AGBL1: variants seen among roughly 807,000 people sequenced by gnomAD.
AGBL1 encodes the protein cytosolic carboxypeptidase 4.
In AGBL1, 130 loss-of-function variants were observed where a neutral mutation model predicts 118.9. That is an observed-to-expected ratio of 1.09 (90% CI 0.95 to 1.26). AGBL1 has a LOEUF of 1.26. Ranked by LOEUF, AGBL1 falls within the 50% of genes most tolerant of loss-of-function variation. The pLI, the probability that AGBL1 is intolerant of heterozygous loss-of-function variation, is 0.00. For synonymous variants in AGBL1, 555 were observed against 478.9 expected, an observed-to-expected ratio of 1.16 and a Z score of -2.08; for missense variants, 1,584 against 1,298.1, an observed-to-expected ratio of 1.22 and a Z score of -3.38.
intron 9 of AGBL1, among the ~76,000 whole-genome samples, chr15:86,261,141 C>A (rs936942443): frequency 1.3e-5 from 2 of 152,202 alleles, no homozygotes; most frequent in Non-Finnish European, 2.9e-5. Context: ...AAGTGGGTCG[C>A]CTAGTCACAT....
At chr15:86,568,604 A>C (rs781324527) in intron 21 of AGBL1, among the ~76,000 whole-genome samples, 2 of 152,216 alleles carry the variant, frequency 1.3e-5, no homozygotes, top group Non-Finnish European at 2.9e-5. Context: ...ATGGGATGCT[A>C]ATCTTCTTAG....
At chr15:86,430,337 T>C (rs368025909) in intron 18 of AGBL1, among the ~76,000 whole-genome samples, 33 of 151,600 alleles carry the variant, frequency 2.2e-4, no homozygotes, top group African/African-American at 8.0e-4. Flanking sequence ...TCTACTAAAA[T>C]ACAAAAAATT....
chr15:86,756,667 A>T (rs2077945937), intron 22 of AGBL1, among the ~76,000 whole-genome samples: 1 of 152,102 alleles, frequency 6.6e-6, no homozygotes, highest in Non-Finnish European at 1.5e-5. Flanking sequence ...ACCAGGACCC[A>T]CTGTGTGAAG....
At chr15:86,953,788 C>T (rs1418488050) in intron 23 of AGBL1, among the ~76,000 whole-genome samples, 14 of 152,070 alleles carry the variant, frequency 9.2e-5, no homozygotes. Flanking sequence ...GGAAACTTTA[C>T]CGAAGTCGTT....
At chr15:86,980,062 G>T (rs1211838599) in intron 23 of AGBL1, among the ~76,000 whole-genome samples, 5 of 152,160 alleles carry the variant, frequency 3.3e-5, no homozygotes, top group African/African-American at 1.2e-4. Context: ...CTAGGAAGGA[G>T]CTTCTTAAAA....
intron 22 of AGBL1, among the ~76,000 whole-genome samples, chr15:86,734,319 G>A (rs764185176): frequency 6.6e-6 from 1 of 152,108 alleles, no homozygotes; most frequent in Non-Finnish European, 1.5e-5. Context: ...TAAGAAAAAT[G>A]GCTAGAGTGG....
intron 17 of AGBL1, among the ~76,000 whole-genome samples, chr15:86,356,331 T>C (rs1370562916): frequency 2.1e-5 from 3 of 139,808 alleles, no homozygotes; most frequent in Non-Finnish European, 3.1e-5. Flanking sequence ...TCTACGAAGA[T>C]AGACGTGTGT....
At chr15:86,542,958 A>T (rs2083525754) in intron 19 of AGBL1, among the ~76,000 whole-genome samples, 1 of 152,032 alleles carries the variant, frequency 6.6e-6, no homozygotes. Context: ...GATCTTTCTT[A>T]TTTATCCAAA....
chr15:86,406,925 T>A (rs1400571286), intron 18 of AGBL1, among the ~76,000 whole-genome samples: 1 of 152,154 alleles, frequency 6.6e-6, no homozygotes, highest in East Asian at 1.9e-4. Context: ...TCTTAGCATT[T>A]TTTCTGGTTA....
rs375645977 is a variant in AGBL1 at position 86,386,450 on chromosome 15, T to C, written c.2375-10916T>C. Among the ~76,000 whole-genome samples, 10 of 149,578 alleles carry C rather than the reference T, an allele frequency of 6.7e-5. No individual in the cohort carries two copies. The East Asian group carries it at 1.8e-3, about 27-fold the overall frequency. The stretch of plus-strand genomic sequence containing the variant: ...ATTTGTGAGTTTTCTGGGAGAGGGG[T>C]TGGCTTTGACTGTGGTATGGAAAAT... On this transcript the variant is annotated intron_variant, in intron 17 of 22. Transcript: ENST00000614907.
intron 24 of AGBL1, among the ~76,000 whole-genome samples, chr15:87,010,527 T>C (rs562761497): frequency 6.6e-6 from 1 of 152,324 alleles, no homozygotes; most frequent in South Asian, 2.1e-4. Flanking sequence ...ATTCACTCTT[T>C]CTGCTGGAGC....
intron 21 of AGBL1, among the ~76,000 whole-genome samples, chr15:86,589,050 G>C (rs1405434065): frequency 6.6e-6 from 1 of 151,838 alleles, no homozygotes; most frequent in East Asian, 1.9e-4. Flanking sequence ...CTGTGTGCAT[G>C]GACACAGAAG....
At chr15:86,539,654 G>A (rs1406974028) in intron 19 of AGBL1, among the ~76,000 whole-genome samples, 1 of 152,104 alleles carries the variant, frequency 6.6e-6, no homozygotes, top group African/African-American at 2.4e-5. Context: ...CCAAATTATT[G>A]TTAATACCTC....
intron 1 of AGBL1, among the ~76,000 whole-genome samples, chr15:86,115,919 A>G (rs1346712813): frequency 6.6e-6 from 1 of 152,166 alleles, no homozygotes; most frequent in Non-Finnish European, 1.5e-5. Context: ...AATTATTAGT[A>G]GGGCTCATTT....
intron 21 of AGBL1, among the ~76,000 whole-genome samples, chr15:86,665,886 CTTAT>C (rs2085635974): frequency 6.6e-6 from 1 of 152,032 alleles, no homozygotes; most frequent in East Asian, 1.9e-4. Flanking sequence ...CAACTACAAA[CTTAT>C]TTACCCCAAG....
chr15:86,726,588 T>G lies in AGBL1; in HGVS notation c.3158+52152T>G, dbSNP rs115123082. On this transcript the variant is annotated intron_variant, in intron 22 of 22. Transcript: ENST00000614907. ...TATTATTATTATTATTTGAAATAGG[T>G]TCCTGCCTTGTCACCCAAGGTGGAG... is the stretch of plus-strand genomic sequence containing the variant. 6.1e-3 allele frequency among the ~76,000 whole-genome samples: 923 copies of G among 152,262 alleles called. 11 individuals carry two copies. Among genetic ancestry groups the G allele is most frequent in the African/African-American group, 0.021 (875 of 41,550 alleles).
At chr15:86,641,243 T>A (rs2085184754) in intron 21 of AGBL1, among the ~76,000 whole-genome samples, 1 of 152,142 alleles carries the variant, frequency 6.6e-6, no homozygotes, top group Non-Finnish European at 1.5e-5. Flanking sequence ...TATATTGAAC[T>A]ATTTTCCAAA....
chr15:86,610,206 A>G (rs1215163091), intron 21 of AGBL1, among the ~76,000 whole-genome samples: 1 of 152,228 alleles, frequency 6.6e-6, no homozygotes, highest in Admixed American at 6.5e-5. Context: ...ACATGACAGC[A>G]CTGTGGTTGT....
intron 6 of AGBL1, among the ~76,000 whole-genome samples, chr15:86,241,090 C>T (rs1006014764): frequency 3.3e-5 from 5 of 151,980 alleles, no homozygotes; most frequent in African/African-American, 7.3e-5. Flanking sequence ...CTTCAGCATG[C>T]GTAAAGAGGA....
Sources: gnomAD v4.1 joint callset for allele counts (sites outside exome capture counted in the v4.1 genomes callset) on GRCh38, gnomAD v4.1.1 for gene constraint, MANE v1.5 for transcripts, NCBI Gene and HGNC (gene_info 2026-07-23, HGNC 2026-07-21) for gene names.